COMMD10: variants seen among roughly 807,000 people sequenced by gnomAD.
COMMD10 encodes the protein COMM domain containing 10.
Under a neutral mutation model 28.9 loss-of-function variants are expected in COMMD10, and 33 were observed. The ratio of observed to expected loss-of-function variants is 1.14; its 90% confidence interval spans 0.87 to 1.53. The LOEUF is 1.53. Among genes scored for constraint, COMMD10 ranks in the 40% most tolerant of loss-of-function variants. COMMD10 has a pLI of 0.00. For synonymous variants in COMMD10, 110 were observed against 81.7 expected, an observed-to-expected ratio of 1.35 and a Z score of -1.87; for missense variants, 310 against 233.4, an observed-to-expected ratio of 1.33 and a Z score of -2.14.
At chr5:116,199,420 CT>C (rs1268208404) in intron 5 of COMMD10, among the ~76,000 whole-genome samples, 3 of 152,034 alleles carry the variant, frequency 2.0e-5, no homozygotes, top group African/African-American at 7.2e-5. Flanking sequence ...TCTTTTTATT[CT>C]CTTAACAGTG....
Position 116,115,393 on chromosome 5 carries a change from C to G in COMMD10, c.400-18675C>G, listed in dbSNP as rs544945919. 3.5e-4 allele frequency among the ~76,000 whole-genome samples: 54 copies of G among 152,292 alleles called. No individual in the cohort carries two copies. In the South Asian group the frequency reaches 0.011, roughly 31 times the overall value. On this transcript the variant is annotated intron_variant, in intron 4 of 6. Coordinates refer to ENST00000274458, the MANE Select transcript of COMMD10 (RefSeq NM_016144.4). ...TTGTTGTCCTCTCTTTTTGGAGTTT[C>G]TGTTTGCTTTTCTGTTAAATGCCTG...
At chr5:116,140,209 T>A (rs561669820) in intron 5 of COMMD10, among the ~76,000 whole-genome samples, 1 of 141,304 alleles carries the variant, frequency 7.1e-6, no homozygotes, top group East Asian at 2.0e-4. Context: ...TATATCCTTT[T>A]TCAAGGCTGA....
intron 5 of COMMD10, among the ~76,000 whole-genome samples, chr5:116,202,464 G>A (rs1271044841): frequency 3.3e-5 from 5 of 152,010 alleles, no homozygotes; most frequent in African/African-American, 1.2e-4. Context: ...TCGCCACACA[G>A]ACTTCCACAA....
At chr5:116,278,425 A>G (rs1359618721) in intron 5 of COMMD10, among the ~76,000 whole-genome samples, 1 of 151,794 alleles carries the variant, frequency 6.6e-6, no homozygotes, top group Admixed American at 6.6e-5. Context: ...ATTGGCTCCA[A>G]GTTTGTGATC....
intron 5 of COMMD10, among the ~76,000 whole-genome samples, chr5:116,192,628 T>A (rs1191566873): frequency 6.6e-6 from 1 of 151,876 alleles, no homozygotes; most frequent in South Asian, 2.1e-4. Flanking sequence ...CAAAAAAGAA[T>A]AAGAAAATAT....
chr5:116,237,414 T>C (rs1749696312), intron 5 of COMMD10, among the ~76,000 whole-genome samples: 1 of 152,124 alleles, frequency 6.6e-6, no homozygotes, highest in South Asian at 2.1e-4. Flanking sequence ...AACATTGCAG[T>C]TTTACAAATC....
chr5:116,156,064 T>G (rs1033903128), intron 5 of COMMD10, among the ~76,000 whole-genome samples: 3 of 152,278 alleles, frequency 2.0e-5, no homozygotes, highest in Middle Eastern at 6.8e-3. Flanking sequence ...ACTTTGTTAC[T>G]AAATAGCTGT....
intron 5 of COMMD10, among the ~76,000 whole-genome samples, chr5:116,254,212 C>T (rs541895330): frequency 1.5e-4 from 23 of 151,984 alleles, no homozygotes; most frequent in Middle Eastern, 3.4e-3. Context: ...TTCTTGCTAG[C>T]GGTCTATCAA....
chr5:116,235,028 G>A (rs764661107), intron 5 of COMMD10, among the ~76,000 whole-genome samples: 2 of 152,158 alleles, frequency 1.3e-5, no homozygotes, highest in Non-Finnish European at 2.9e-5. Context: ...AAATGTAAAG[G>A]TGTTTGTAAA....
intron 5 of COMMD10, among the ~76,000 whole-genome samples, chr5:116,265,113 T>C (rs1388516277): frequency 6.6e-6 from 1 of 151,820 alleles, no homozygotes; most frequent in African/African-American, 2.4e-5. Flanking sequence ...TTTGCATTAT[T>C]GGTGGTCTGT....
At chr5:116,150,156 C>T (rs901935399) in intron 5 of COMMD10, among the ~76,000 whole-genome samples, 2 of 152,134 alleles carry the variant, frequency 1.3e-5, no homozygotes, top group African/African-American at 4.8e-5. Context: ...TGTCAAAGAT[C>T]AGATAGTTGT....
intron 5 of COMMD10, among the ~76,000 whole-genome samples, chr5:116,211,606 C>G (rs1251682454): frequency 4.6e-5 from 7 of 152,148 alleles, no homozygotes; most frequent in African/African-American, 1.7e-4. Context: ...CTTATTAGCA[C>G]ATTAATATGG....
intron 5 of COMMD10, among the ~76,000 whole-genome samples, chr5:116,186,223 A>C (rs1748132187): frequency 6.6e-6 from 1 of 152,158 alleles, no homozygotes; most frequent in African/African-American, 2.4e-5. Context: ...CTTTTTAAAC[A>C]AATTGTTTAT....
chr5:116,266,530 T>C (rs1202441539), intron 5 of COMMD10, among the ~76,000 whole-genome samples: 1 of 151,858 alleles, frequency 6.6e-6, no homozygotes, highest in African/African-American at 2.4e-5. Flanking sequence ...GTAGTAAACC[T>C]ACTTTCTACA....
intron 5 of COMMD10, among the ~76,000 whole-genome samples, chr5:116,159,345 T>A (rs963738887): frequency 1.3e-5 from 2 of 152,242 alleles, no homozygotes; most frequent in African/African-American, 4.8e-5. Flanking sequence ...TTTGCACTTT[T>A]CATTTCCTCC....
intron 5 of COMMD10, among the ~76,000 whole-genome samples, chr5:116,171,279 T>TA (rs1375001336): frequency 2.6e-5 from 4 of 152,184 alleles, no homozygotes; most frequent in Non-Finnish European, 5.9e-5. Flanking sequence ...CACAATGAGA[T>TA]ACCATCTCAC....
chr5:116,115,401 T>C (rs1257426955), intron 4 of COMMD10, among the ~76,000 whole-genome samples: 3 of 152,210 alleles, frequency 2.0e-5, no homozygotes, highest in Non-Finnish European at 4.4e-5. Context: ...TTCTGTTTGC[T>C]TTTCTGTTAA....
intron 5 of COMMD10, among the ~76,000 whole-genome samples, chr5:116,147,285 TGAA>T (rs1380149920): frequency 6.6e-6 from 1 of 151,912 alleles, no homozygotes; most frequent in Non-Finnish European, 1.5e-5. Flanking sequence ...GGGTCATTGA[TGAA>T]CAAAGGGATA....
chr5:116,255,860 A>G (rs527756149), intron 5 of COMMD10: 53 of 151,534 alleles, frequency 3.5e-4, no homozygotes, highest in African/African-American at 1.3e-3. Flanking sequence ...AAGAAATGTT[A>G]GTCTCATTAA....
Sources: gnomAD v4.1 joint callset for allele counts (sites outside exome capture counted in the v4.1 genomes callset) on GRCh38, gnomAD v4.1.1 for gene constraint, MANE v1.5 for transcripts, NCBI Gene and HGNC (gene_info 2026-07-23, HGNC 2026-07-21) for gene names.